TASP1: variants seen among roughly 807,000 people sequenced by gnomAD.
The protein encoded by TASP1 is taspase 1, also known as threonine aspartase 1.
Under a neutral mutation model 56.6 loss-of-function variants are expected in TASP1, and 16 were observed. That is an observed-to-expected ratio of 0.28 (90% CI 0.19 to 0.43). The LOEUF (loss-of-function observed/expected upper bound fraction) is 0.43. Among genes scored for constraint, TASP1 ranks in the 20% least tolerant of loss-of-function variants. The pLI is 1.00. For synonymous variants in TASP1, 179 were observed against 184.2 expected (o/e 0.97, Z 0.23); for missense variants, 393 against 511.6 (o/e 0.77, Z 2.24).
At chr20:13,401,578 T>C (rs1034041018) in intron 13 of TASP1, among the ~76,000 whole-genome samples, 5 of 152,222 alleles carry the variant, frequency 3.3e-5, no homozygotes, top group Non-Finnish European at 7.3e-5. Flanking sequence ...TCAATATTTA[T>C]AATCATAGAA....
intron 11 of TASP1, among the ~76,000 whole-genome samples, chr20:13,465,172 C>G (rs1475661026): frequency 8.3e-6 from 1 of 120,778 alleles, no homozygotes; most frequent in Non-Finnish European, 1.7e-5. Context: ...CCCCCTTTCT[C>G]TCTCCCAAAA....
the TASP1 span, among the ~76,000 whole-genome samples, chr20:13,151,538 G>A: frequency 6.6e-6 from 1 of 152,116 alleles, no homozygotes; most frequent in African/African-American, 2.4e-5. Flanking sequence ...CTTGAGAACT[G>A]GAGTTGGGAA....
the TASP1 span, among the ~76,000 whole-genome samples, chr20:13,226,719 C>A: frequency 1.3e-5 from 2 of 152,170 alleles, no homozygotes; most frequent in South Asian, 4.1e-4. Context: ...CTTAAGGAGT[C>A]TAGCTCATAT....
chr20:13,220,297 C>A, the TASP1 span, among the ~76,000 whole-genome samples: 1 of 152,178 alleles, frequency 6.6e-6, no homozygotes, highest in Non-Finnish European at 1.5e-5. Flanking sequence ...TGCCACGGAC[C>A]GACACAGTTC....
chr20:13,160,156 G>T, the TASP1 span: 1 of 1,606,788 alleles, frequency 6.2e-7, no homozygotes. Context: ...AGGCCAACGG[G>T]ATCTCAGTAC....
chr20:13,309,367 G>A, the TASP1 span, among the ~76,000 whole-genome samples: 1 of 151,586 alleles, frequency 6.6e-6, no homozygotes, highest in Admixed American at 6.6e-5. Flanking sequence ...TGACAAAATT[G>A]AATATTATTT....
chr20:13,555,643 A>G (rs1179247865), intron 8 of TASP1, among the ~76,000 whole-genome samples: 1 of 152,060 alleles, frequency 6.6e-6, no homozygotes, highest in Non-Finnish European at 1.5e-5. Flanking sequence ...AATCCCTCAA[A>G]GTCATCCATG....
the TASP1 span, among the ~76,000 whole-genome samples, chr20:13,242,406 T>C: frequency 2.6e-5 from 4 of 152,128 alleles, no homozygotes; most frequent in African/African-American, 9.7e-5. Flanking sequence ...GAAGAAAAAG[T>C]CAGGAGTTAG....
chr20:13,576,346 A>AAAGG (rs1238239966), intron 6 of TASP1, among the ~76,000 whole-genome samples: 42 of 63,322 alleles, frequency 6.6e-4, no homozygotes, highest in African/African-American at 2.7e-3. Context: ...AGAAAGGAAG[A>AAAGG]AAGAAAGAAA....
At chr20:13,522,730 C>T (rs1336879453) in intron 10 of TASP1, among the ~76,000 whole-genome samples, 1 of 152,042 alleles carries the variant, frequency 6.6e-6, no homozygotes, top group Admixed American at 6.6e-5. Context: ...ATAGATGGTA[C>T]TTAGCCATCA....
intron 10 of TASP1, among the ~76,000 whole-genome samples, chr20:13,496,864 T>C (rs533536281): frequency 6.6e-5 from 10 of 152,170 alleles, no homozygotes; most frequent in Non-Finnish European, 1.3e-4. Flanking sequence ...TGCACAAATA[T>C]CTCAATAAAC....
At chr20:13,369,031 G>A in the TASP1 span, among the ~76,000 whole-genome samples, 1 of 152,188 alleles carries the variant, frequency 6.6e-6, no homozygotes, top group Non-Finnish European at 1.5e-5. Context: ...CTTGTGACTA[G>A]TCATAGTAGG....
the TASP1 span, among the ~76,000 whole-genome samples, chr20:13,227,800 G>A: frequency 1.2e-4 from 18 of 152,078 alleles, no homozygotes; most frequent in African/African-American, 4.1e-4. Flanking sequence ...GAGCCACCGC[G>A]CCCGGCCCCA....
At chr20:13,320,215 C>T in the TASP1 span, among the ~76,000 whole-genome samples, 1 of 152,196 alleles carries the variant, frequency 6.6e-6, no homozygotes, top group Non-Finnish European at 1.5e-5. Context: ...TTCCCTGGAA[C>T]TAAGACTTGT....
rs1410475601 is a variant in TASP1 at position 13,435,120 on chromosome 20, A to G, written c.1020T>C (p.Leu340=). Residue 340 remains leucine (L), a synonymous_variant, in exon 12 of 14, where the codon CTT becomes CTC. Coordinates refer to ENST00000337743, the MANE Select transcript of TASP1 (RefSeq NM_017714.3). ...SPFLASEDGV[L]GGVIVLRSCR... is the part of the protein sequence containing the mutation. The stretch of plus-strand genomic sequence containing the variant: ...ATGAACGGAGGACAATCACTCCGCC[A>G]AGCACGCCATCTTCACTGGCAAGGA... The G allele has an allele frequency of 3.1e-6, 5 of 1,609,242 alleles. No individual in the cohort carries two copies. The Admixed American group carries it at 6.7e-5, about 22-fold the overall frequency.
At chr20:13,245,830 T>C in the TASP1 span, among the ~76,000 whole-genome samples, 1 of 152,214 alleles carries the variant, frequency 6.6e-6, no homozygotes, top group Non-Finnish European at 1.5e-5. Context: ...AGGAACTCCA[T>C]ATCTGGAACT....
intron 11 of TASP1, among the ~76,000 whole-genome samples, chr20:13,439,273 T>C (rs536782227): frequency 6.6e-6 from 1 of 152,242 alleles, no homozygotes; most frequent in Admixed American, 6.5e-5. Context: ...CCATCAATGA[T>C]AGACTGGATT....
chr20:13,343,298 G>A, the TASP1 span, among the ~76,000 whole-genome samples: 9 of 152,218 alleles, frequency 5.9e-5, no homozygotes, highest in Non-Finnish European at 1.3e-4. Flanking sequence ...AAGAGCAGAG[G>A]CTCAGCAGCC....
At chr20:13,491,005 T>C (rs780526345) in intron 10 of TASP1, among the ~76,000 whole-genome samples, 4 of 152,200 alleles carry the variant, frequency 2.6e-5, no homozygotes, top group African/African-American at 9.6e-5. Flanking sequence ...ATTCTCTGTA[T>C]GTTCCTTCTA....
Sources: gnomAD v4.1 joint callset for allele counts (sites outside exome capture counted in the v4.1 genomes callset) on GRCh38, gnomAD v4.1.1 for gene constraint, MANE v1.5 for transcripts, NCBI Gene and HGNC (gene_info 2026-07-23, HGNC 2026-07-21) for gene names.